SLIT3: variants seen among roughly 807,000 people sequenced by gnomAD.
The protein encoded by SLIT3 is slit guidance ligand 3, also known as slit homolog 3 protein.
Under a neutral mutation model 184.0 loss-of-function variants are expected in SLIT3, and 68 were observed. The ratio of observed to expected loss-of-function variants is 0.37; its 90% CI spans 0.30 to 0.45. SLIT3 has a LOEUF of 0.45. Ranked by LOEUF, SLIT3 falls within the 20% of genes least tolerant of loss-of-function variation. The probability of loss-of-function intolerance (pLI) is 1.00; values close to 1 mark genes in which losing one functional copy is unlikely to be tolerated. For synonymous variants in SLIT3, 831 were observed against 828.6 expected, an observed-to-expected ratio of 1.00 and a Z score of -0.05; for missense variants, 1,707 against 2,026.0, an observed-to-expected ratio of 0.84 and a Z score of 3.02.
At chr5:169,216,027 T>C (rs983429292) in intron 3 of SLIT3, among the ~76,000 whole-genome samples, 1 of 152,192 alleles carries the variant, frequency 6.6e-6, no homozygotes. Flanking sequence ...GAAGAAATCT[T>C]AGAGGGGTTT....
In SLIT3 at chr5:168,679,338, G is replaced by A. The variant is rs148888158; in HGVS notation, c.3686+4628C>T. 9.5e-4 allele frequency among the ~76,000 whole-genome samples: 144 copies of A among 152,266 alleles called. 1 individual carries two copies. Among genetic ancestry groups the A allele is most frequent in the African/African-American group, 3.2e-3 (135 of 41,542 alleles). On this transcript the variant is annotated intron_variant, in intron 32 of 35. Coordinates refer to ENST00000519560, the MANE Select transcript of SLIT3 (RefSeq NM_003062.4). ...TTCCAAGAATGCTGGAGTTACAGGC[G>A]TGAGCCACCATGCCTGGCTTTCTTT... is the stretch of plus-strand genomic sequence containing the variant.
intron 4 of SLIT3, among the ~76,000 whole-genome samples, chr5:168,967,632 G>A (rs2113308854): frequency 7.2e-6 from 1 of 139,784 alleles, no homozygotes; most frequent in South Asian, 2.3e-4. Context: ...AGTAGAGACG[G>A]GGTTTCACCG....
chr5:169,084,546 G>A (rs1561653450), intron 4 of SLIT3, among the ~76,000 whole-genome samples: 1 of 150,236 alleles, frequency 6.7e-6, no homozygotes, highest in Non-Finnish European at 1.5e-5. Flanking sequence ...GACCTCAGGT[G>A]ATCCATCTGC....
At chr5:169,138,787 T>G (rs1761619535) in intron 4 of SLIT3, among the ~76,000 whole-genome samples, 1 of 152,240 alleles carries the variant, frequency 6.6e-6, no homozygotes, top group African/African-American at 2.4e-5. Context: ...CAACACATTC[T>G]GGGTATCCCA....
At chr5:168,848,198 G>A (rs931658862) in intron 5 of SLIT3, among the ~76,000 whole-genome samples, 1 of 152,190 alleles carries the variant, frequency 6.6e-6, no homozygotes, top group Non-Finnish European at 1.5e-5. Context: ...AAGGTGTCAG[G>A]GCTGAGCCCA....
chr5:168,811,283 C>T (rs554284685), intron 8 of SLIT3, among the ~76,000 whole-genome samples: 54 of 152,214 alleles, frequency 3.5e-4, no homozygotes, highest in African/African-American at 1.3e-3. Flanking sequence ...GCATTGAGTG[C>T]TCTGTATATA....
chr5:168,758,691 GA>G lies in SLIT3; in HGVS notation c.1685+2170del, dbSNP rs1367507519. Among the ~76,000 whole-genome samples the G allele has an allele frequency of 3.3e-5, 5 of 152,306 alleles. No homozygotes were observed. In the East Asian group the frequency reaches 9.7e-4, roughly 29 times the overall value. On this transcript the variant is annotated intron_variant, in intron 16 of 35. Transcript: ENST00000519560. ...GACCAAGGTGGTGGCTGCAGGCAGG[GA>G]CGGAGGGAGGAAAGCGATCTGAGTA...
In SLIT3 at chr5:168,789,814, A is replaced by T. The variant is rs1197182828; in HGVS notation, c.1008-183T>A. On this transcript the variant is annotated intron_variant, in intron 10 of 35. Coordinates refer to ENST00000519560, the MANE Select transcript of SLIT3 (RefSeq NM_003062.4). ...GAGCCTTCAGTTCAACTACCTCATG[A>T]TAAAGTGCACCACATTTACATCACT... 5 of 572,804 alleles carry T rather than the reference A, an allele frequency of 8.7e-6. No individual in the cohort carries two copies. The East Asian group carries it at 1.1e-4, about 13-fold the overall frequency. The allele number at this position is 572,804 out of a possible 1,614,324, so 35.5% of individuals were successfully genotyped here.
intron 4 of SLIT3, among the ~76,000 whole-genome samples, chr5:169,167,424 A>G (rs1283636874): frequency 2.0e-5 from 3 of 150,864 alleles, no homozygotes; most frequent in Non-Finnish European, 4.4e-5. Flanking sequence ...ACAGGTGCCC[A>G]CCACCACACC....
intron 4 of SLIT3, among the ~76,000 whole-genome samples, chr5:169,128,958 A>G (rs1761184650): frequency 6.6e-6 from 1 of 152,048 alleles, no homozygotes; most frequent in South Asian, 2.1e-4. Context: ...AAAGATACAT[A>G]TACTCACAGG....
At chr5:169,074,679 A>G (rs1270534916) in intron 4 of SLIT3, among the ~76,000 whole-genome samples, 8 of 152,220 alleles carry the variant, frequency 5.3e-5, no homozygotes, top group Non-Finnish European at 1.0e-4. Flanking sequence ...TAAAGTCAGC[A>G]TACCAGGGAC....
At chr5:169,196,034 A>G (rs1365939074) in intron 3 of SLIT3, among the ~76,000 whole-genome samples, 4 of 152,112 alleles carry the variant, frequency 2.6e-5, no homozygotes, top group Non-Finnish European at 5.9e-5. Flanking sequence ...CCTGTTGAAC[A>G]ACAACTCCCC....
At chr5:168,873,257 C>T (rs557196476) in intron 5 of SLIT3, among the ~76,000 whole-genome samples, 4 of 152,206 alleles carry the variant, frequency 2.6e-5, no homozygotes, top group South Asian at 4.2e-4. Flanking sequence ...TGAATTTAAG[C>T]CTCAATTTCC....
chr5:169,224,677 T>C (rs917576094), intron 3 of SLIT3, among the ~76,000 whole-genome samples: 1 of 151,940 alleles, frequency 6.6e-6, no homozygotes, highest in Non-Finnish European at 1.5e-5. Context: ...CAGGCCCATT[T>C]TAAAAATTAT....
intron 3 of SLIT3, among the ~76,000 whole-genome samples, chr5:169,203,618 G>C (rs896597007): frequency 1.3e-5 from 2 of 152,172 alleles, no homozygotes; most frequent in African/African-American, 4.8e-5. Flanking sequence ...CCCCGGATCA[G>C]AGTTTTTGCA....
intron 6 of SLIT3, among the ~76,000 whole-genome samples, chr5:168,830,542 C>A (rs1486811503): frequency 6.6e-6 from 1 of 152,216 alleles, no homozygotes; most frequent in Non-Finnish European, 1.5e-5. Flanking sequence ...TTGCCAAAAT[C>A]TTCCAGTAAA....
chr5:169,286,550 T>C (rs1561787361), intron 1 of SLIT3, among the ~76,000 whole-genome samples: 1 of 152,092 alleles, frequency 6.6e-6, no homozygotes. Flanking sequence ...ACTTCCCTCA[T>C]CCCCTTTAAA....
chr5:169,178,422 T>C (rs1763047033), intron 4 of SLIT3, among the ~76,000 whole-genome samples: 1 of 152,194 alleles, frequency 6.6e-6, no homozygotes, highest in Non-Finnish European at 1.5e-5. Flanking sequence ...TGGCATTCTA[T>C]GAAGGTGGCT....
At chr5:169,151,828 G>T (rs1459008584) in intron 4 of SLIT3, among the ~76,000 whole-genome samples, 1 of 152,180 alleles carries the variant, frequency 6.6e-6, no homozygotes, top group Non-Finnish European at 1.5e-5. Flanking sequence ...GAGCAAACTG[G>T]TGAAGGCTTT....
Sources: allele counts gnomAD v4.1 joint callset (sites outside exome capture counted in the v4.1 genomes callset), GRCh38; gene constraint gnomAD v4.1.1; transcripts MANE v1.5; gene names NCBI Gene and HGNC (gene_info 2026-07-23, HGNC 2026-07-21).